The following PRICKLE1 variants were observed in gnomAD, a reference collection of about 807,000 sequenced individuals.
The protein encoded by PRICKLE1 is prickle planar cell polarity protein 1, also known as prickle-like protein 1.
In PRICKLE1, 14 loss-of-function variants were observed where a neutral mutation model predicts 70.2. The observed-to-expected ratio is 0.20, with a 90% CI of 0.13 to 0.31. The LOEUF (loss-of-function observed/expected upper bound fraction) is 0.31. Ranked by LOEUF, PRICKLE1 falls within the 10% of genes least tolerant of loss-of-function variation. The pLI is 1.00. For missense variants in PRICKLE1, 821 were observed against 1,026.2 expected, an observed-to-expected ratio of 0.80 and a Z score of 2.73; for synonymous variants, 357 against 379.9, an observed-to-expected ratio of 0.94 and a Z score of 0.70.
At chr12:42,582,926 C>A (rs1940927873) in intron 1 of PRICKLE1, among the ~76,000 whole-genome samples, 1 of 152,114 alleles carries the variant, frequency 6.6e-6, no homozygotes, top group South Asian at 2.1e-4. Context: ...AGGTTGGACA[C>A]CCCTGAATTC....
intron 1 of PRICKLE1, among the ~76,000 whole-genome samples, chr12:42,585,710 C>A (rs1244610505): frequency 6.6e-6 from 1 of 152,170 alleles, no homozygotes; most frequent in Non-Finnish European, 1.5e-5. Flanking sequence ...CTCAGATTCC[C>A]CATACAATTT....
intron 1 of PRICKLE1, among the ~76,000 whole-genome samples, chr12:42,528,151 G>A (rs12816893): frequency 0.049 from 7,484 of 151,978 alleles, 191 homozygotes; most frequent in South Asian, 0.083. Context: ...CAAGATCACA[G>A]TTCACTGCAA....
chr12:42,464,778 A>G lies in PRICKLE1; in HGVS notation c.1256T>C (p.Leu419Pro). Reference sequence around the variant, plus strand: ...GAGGCTTTTATCACCAAACTTGAGGAGGAGCTGCGTCATATAATCTTCATG... The same window carrying G: ...GAGGCTTTTATCACCAAACTTGAGGGGGAGCTGCGTCATATAATCTTCATG... ...ADHEDYMTQL[L>P]LKFGDKSLFQ... The change falls in exon 7 of 8, where the codon CTC becomes CCC. Residue 419 changes from leucine to proline, a missense_variant. Transcript: ENST00000345127. This position sits in a 1 kb window ranked among gnomAD's most constrained non-coding sequence, Gnocchi z 4.2. 6.2e-7 allele frequency: 1 copy of G among 1,614,076 alleles called. No homozygotes were observed. The highest frequency in any genetic ancestry group is 8.5e-7 in the Non-Finnish European group (1 of 1,180,004).
chr12:42,528,176 G>A (rs1939848884), intron 1 of PRICKLE1, among the ~76,000 whole-genome samples: 1 of 151,852 alleles, frequency 6.6e-6, no homozygotes, highest in Non-Finnish European at 1.5e-5. Context: ...TGCCTCCCGG[G>A]CTCAACTGGC....
intron 1 of PRICKLE1, among the ~76,000 whole-genome samples, chr12:42,529,236 T>C (rs1939865229): frequency 6.6e-6 from 1 of 152,236 alleles, no homozygotes; most frequent in Non-Finnish European, 1.5e-5. Context: ...TTTTCTGTAG[T>C]CTTAATTACT....
In PRICKLE1 at chr12:42,539,947, A is replaced by T. The variant is rs887193111; in HGVS notation, c.-49+49518T>A. Reference sequence around the variant, plus strand: ...AATCTAATGTCCTGGAGAATACTTGATATCTCTCCCAGTGGGCATTCTAGG... The same window carrying T: ...AATCTAATGTCCTGGAGAATACTTGTTATCTCTCCCAGTGGGCATTCTAGG... On this transcript the variant is annotated intron_variant, in intron 1 of 7. Coordinates refer to ENST00000345127, the MANE Select transcript of PRICKLE1 (RefSeq NM_153026.3). Among the ~76,000 whole-genome samples the T allele has an allele frequency of 1.3e-5, 2 of 152,212 alleles. 1 individual carries two copies. Among genetic ancestry groups the T allele is most frequent in the South Asian group, 4.1e-4 (2 of 4,828 alleles).
intron 1 of PRICKLE1, among the ~76,000 whole-genome samples, chr12:42,563,421 C>T (rs946372377): frequency 6.6e-6 from 1 of 151,382 alleles, no homozygotes; most frequent in Admixed American, 6.6e-5. Flanking sequence ...ATCTTTTGGC[C>T]GGGCGTGGTG....
At chr12:42,504,741 C>G (rs1939375696) in intron 1 of PRICKLE1, among the ~76,000 whole-genome samples, 1 of 152,180 alleles carries the variant, frequency 6.6e-6, no homozygotes, top group Admixed American at 6.5e-5. Flanking sequence ...GACATTTAGA[C>G]AGCATTCTTT....
At chr12:42,501,343 T>G (rs1224055124) in intron 1 of PRICKLE1, among the ~76,000 whole-genome samples, 1 of 151,608 alleles carries the variant, frequency 6.6e-6, no homozygotes, top group African/African-American at 2.4e-5. Flanking sequence ...TGTTTTGTAT[T>G]TTGTAAAAAT....
intron 1 of PRICKLE1, among the ~76,000 whole-genome samples, chr12:42,527,690 G>C (rs1012265822): frequency 1.3e-5 from 2 of 151,818 alleles, no homozygotes; most frequent in Non-Finnish European, 1.5e-5. Context: ...TGGTGGGCTG[G>C]GTCTCAGAAT....
At chr12:42,518,273 G>A (rs560814410) in intron 1 of PRICKLE1, among the ~76,000 whole-genome samples, 1 of 152,180 alleles carries the variant, frequency 6.6e-6, no homozygotes, top group Non-Finnish European at 1.5e-5. Flanking sequence ...TGAACTCCTG[G>A]ACTCAAGCAA....
At chr12:42,488,764 C>T (rs918411250) in intron 1 of PRICKLE1, among the ~76,000 whole-genome samples, 2 of 152,066 alleles carry the variant, frequency 1.3e-5, no homozygotes, top group African/African-American at 4.8e-5. Flanking sequence ...CTGACATATA[C>T]ATTGCAAAAT....
At chr12:42,477,111 G>A (rs750090283) in intron 1 of PRICKLE1, among the ~76,000 whole-genome samples, 1 of 151,304 alleles carries the variant, frequency 6.6e-6, no homozygotes, top group African/African-American at 2.4e-5. Context: ...AGTAGCTCAC[G>A]CATGTAATCC....
At chr12:42,488,809 G>C (rs1028022911) in intron 1 of PRICKLE1, among the ~76,000 whole-genome samples, 3 of 151,892 alleles carry the variant, frequency 2.0e-5, no homozygotes, top group African/African-American at 4.8e-5. Flanking sequence ...CCAGTAGTAT[G>C]GTTTCCAGGG....
At chr12:42,557,831 A>G (rs549195096) in intron 1 of PRICKLE1, among the ~76,000 whole-genome samples, 1 of 152,324 alleles carries the variant, frequency 6.6e-6, no homozygotes, top group East Asian at 1.9e-4. Flanking sequence ...AACACACACT[A>G]AGCTACTCAT....
intron 1 of PRICKLE1, among the ~76,000 whole-genome samples, chr12:42,548,500 G>A (rs912179933): frequency 6.6e-6 from 1 of 152,218 alleles, no homozygotes; most frequent in Non-Finnish European, 1.5e-5. Context: ...CACCCATCTA[G>A]AAGGGGGTTG....
At chr12:42,583,994 G>C (rs1303359772) in intron 1 of PRICKLE1, among the ~76,000 whole-genome samples, 2 of 152,046 alleles carry the variant, frequency 1.3e-5, no homozygotes, top group African/African-American at 4.8e-5. Flanking sequence ...GATCTAATAA[G>C]TCAAATATAT....
At chr12:42,480,007 C>T (rs565738255) in intron 1 of PRICKLE1, among the ~76,000 whole-genome samples, 2 of 152,064 alleles carry the variant, frequency 1.3e-5, no homozygotes, top group South Asian at 2.1e-4. Context: ...CGTGGTGGCA[C>T]GTGTAAAAAT....
chr12:42,494,106 A>C (rs1245820436), intron 1 of PRICKLE1, among the ~76,000 whole-genome samples: 2 of 152,198 alleles, frequency 1.3e-5, no homozygotes, highest in Non-Finnish European at 2.9e-5. Context: ...AAAATATCTT[A>C]CTGCTAAAAA....
Sources: allele counts gnomAD v4.1 joint callset (sites outside exome capture counted in the v4.1 genomes callset), GRCh38; gene constraint gnomAD v4.1.1; non-coding constraint Gnocchi (gnomAD v3.1); transcripts MANE v1.5; gene names NCBI Gene and HGNC (gene_info 2026-07-23, HGNC 2026-07-21).